MANBA: variants seen among roughly 807,000 people sequenced by gnomAD.
MANBA encodes the protein beta-mannosidase.
Under a neutral mutation model 111.1 loss-of-function variants are expected in MANBA, and 83 were observed. The ratio of observed to expected loss-of-function variants is 0.75; its 90% CI spans 0.63 to 0.90. MANBA has a LOEUF of 0.90. Ranked by LOEUF, MANBA falls within the 40% of genes least tolerant of loss-of-function variation. The pLI, the probability that MANBA is intolerant of heterozygous loss-of-function variation, is 0.00. For synonymous variants in MANBA, 370 were observed against 378.7 expected (o/e 0.98, Z 0.27); for missense variants, 1,036 against 1,069.0 (o/e 0.97, Z 0.43).
intron 7 of MANBA, among the ~76,000 whole-genome samples, chr4:102,684,873 G>A (rs967243075): frequency 1.2e-4 from 18 of 152,094 alleles, no homozygotes; most frequent in Non-Finnish European, 5.9e-5. Context: ...ACAGAACAGT[G>A]AGCAATTTAA....
At chr4:102,635,166 T>C in intron 15 of MANBA, 121 bp from the exon 16 acceptor site, 4 of 1,067,918 alleles carry the variant, frequency 3.7e-6, no homozygotes, top group East Asian at 5.1e-5. Flanking sequence ...CTATGAAACC[T>C]GAGTTTTAAT....
At position 102,750,702 on chromosome 4, in the gene MANBA, T is replaced by C. The variant is rs559945832; in HGVS notation, c.177+10016A>G. Among the ~76,000 whole-genome samples, 204 of 152,216 alleles carry C rather than the reference T, an allele frequency of 1.3e-3. No individual in the cohort carries two copies. In the Middle Eastern group the frequency reaches 0.017, roughly 13 times the overall value. On this transcript the variant is annotated intron_variant, in intron 1 of 16. Coordinates refer to ENST00000647097, the MANE Select transcript of MANBA (RefSeq NM_005908.4). ...CCGAGGTGGGAATATCGCTTGAGCC[T>C]GGGAGTTTGAGACCAGCCTGTGCAA...
intron 5 of MANBA, among the ~76,000 whole-genome samples, chr4:102,713,911 AAAAAG>A (rs1397786193): frequency 4.6e-5 from 7 of 151,482 alleles, no homozygotes; most frequent in South Asian, 2.1e-4. Context: ...AAAAAAAAAA[AAAAAG>A]AAAAGAAAAG....
chr4:102,723,146 G>T, intron 3 of MANBA, 105 bp from the exon 4 acceptor site: 1 of 1,023,978 alleles, frequency 9.8e-7, no homozygotes. Flanking sequence ...ATATAATGCC[G>T]ATCTAGGTTT....
At chr4:102,715,811 C>T (rs1490153058) in intron 4 of MANBA, among the ~76,000 whole-genome samples, 4 of 152,070 alleles carry the variant, frequency 2.6e-5, no homozygotes, top group Non-Finnish European at 4.4e-5. Context: ...CTATGTTGCA[C>T]GTAACCTATG....
At position 102,714,462 on chromosome 4, in the gene MANBA, A is replaced by G. The variant is rs757677635; in HGVS notation, c.649T>C (p.Tyr217His). 15 of 1,607,128 alleles carry G rather than the reference A, an allele frequency of 9.3e-6. No individual in the cohort carries two copies. The highest frequency in any genetic ancestry group is 1.7e-5 in the Admixed American group (1 of 59,982). ...CCATATATTGGGGAAAATGTGAAGT[A>G]GTTCAGGTGACAAATATTATAGGCT... ...IEAYNICHLN[Y>H]FTFSPIYDKS... The change falls in exon 5 of 17, where the codon TAC becomes CAC. Residue 217 changes from tyrosine to histidine, a missense_variant. Transcript: ENST00000647097.
intron 1 of MANBA, chr4:102,729,301 A>ATCCT (rs1722934405): frequency 2.7e-6 from 2 of 754,442 alleles, no homozygotes; most frequent in African/African-American, 3.4e-5. Flanking sequence ...CCCAGCCAGC[A>ATCCT]TCTGCAGCTC....
chr4:102,731,118 G>A (rs1358794777), intron 1 of MANBA, among the ~76,000 whole-genome samples: 1 of 151,932 alleles, frequency 6.6e-6, no homozygotes, highest in Non-Finnish European at 1.5e-5. Flanking sequence ...TGTTCTCTGT[G>A]CTCTTGCGAT....
chr4:102,639,723 C>T lies in MANBA; in HGVS notation c.2004G>A (p.Trp668Ter). 6.2e-7 allele frequency: 1 copy of T among 1,614,050 alleles called. No individual in the cohort carries two copies. The highest frequency in any genetic ancestry group is 8.5e-7 in the Non-Finnish European group (1 of 1,180,010). Residue 668 changes from tryptophan (W) to a stop codon, truncating the protein, a stop_gained, in exon 14 of 17, where the codon TGG (tryptophan) becomes TGA (stop). Transcript: ENST00000647097. LOFTEE classifies it high-confidence loss of function. Reference protein sequence around the residue: ...QLNDIWQAPSWASLEYGGKWK... With the variant: ...QLNDIWQAPS ...CGCTGAAATGCTTACCAAGAGAAGCCCAGGAAGGAGCTTGCCAGATGTCAT... is the reference window on the plus strand; with the variant it reads ...CGCTGAAATGCTTACCAAGAGAAGCTCAGGAAGGAGCTTGCCAGATGTCAT...
chr4:102,715,122 C>A (rs1722269912), intron 4 of MANBA, among the ~76,000 whole-genome samples: 1 of 152,166 alleles, frequency 6.6e-6, no homozygotes, highest in African/African-American at 2.4e-5. Context: ...CTTCTAACCA[C>A]CAGCATATAG....
At chr4:102,758,491 T>C (rs1207068623) in intron 1 of MANBA, among the ~76,000 whole-genome samples, 3 of 152,102 alleles carry the variant, frequency 2.0e-5, no homozygotes, top group Admixed American at 2.0e-4. Context: ...CGGACAACAG[T>C]CTCACATTAC....
intron 5 of MANBA, among the ~76,000 whole-genome samples, chr4:102,701,714 T>C (rs1459597076): frequency 3.9e-5 from 6 of 152,158 alleles, no homozygotes; most frequent in Non-Finnish European, 1.5e-5. Flanking sequence ...TTGTAGAGTT[T>C]CTGCTGAGAG....
At chr4:102,635,802 A>G (rs1729598757) in intron 15 of MANBA, 63 bp downstream of exon 15, 1 of 1,510,522 alleles carries the variant, frequency 6.6e-7, no homozygotes, top group African/African-American at 1.4e-5. Flanking sequence ...GAATGTAACC[A>G]AACAACTAAA....
intron 13 of MANBA, among the ~76,000 whole-genome samples, chr4:102,647,979 T>C (rs747884663): frequency 3.9e-5 from 6 of 152,106 alleles, no homozygotes; most frequent in Non-Finnish European, 8.8e-5. Context: ...AAATTTCCTG[T>C]CTACTTCAGA....
At chr4:102,752,640 GA>G in intron 1 of MANBA, 1 of 574,624 alleles carries the variant, frequency 1.7e-6, no homozygotes. Flanking sequence ...GTGGGGGCAT[GA>G]AAGTGAATGA....
chr4:102,635,831 C>T, intron 15 of MANBA, 34 bp downstream of exon 15: 1 of 1,590,756 alleles, frequency 6.3e-7, no homozygotes, highest in Non-Finnish European at 8.6e-7. Flanking sequence ...CTAAAAGTCT[C>T]CTTCGATCTT....
intron 13 of MANBA, among the ~76,000 whole-genome samples, chr4:102,646,123 T>C (rs1314885802): frequency 6.6e-6 from 1 of 152,050 alleles, no homozygotes; most frequent in Non-Finnish European, 1.5e-5. Context: ...AATGATAAGA[T>C]TTACAAAGCA....
At chr4:102,706,041 A>C (rs773053926) in intron 5 of MANBA, among the ~76,000 whole-genome samples, 16 of 152,214 alleles carry the variant, frequency 1.1e-4, no homozygotes, top group Non-Finnish European at 2.4e-4. Flanking sequence ...GCCATTTCCC[A>C]TGCCATACCT....
intron 1 of MANBA, among the ~76,000 whole-genome samples, chr4:102,742,294 G>A (rs752893528): frequency 6.6e-6 from 1 of 152,164 alleles, no homozygotes; most frequent in Non-Finnish European, 1.5e-5. Context: ...CCAGCAGAAC[G>A]TAATGTCGCA....
Sources: gnomAD v4.1 joint callset for allele counts (sites outside exome capture counted in the v4.1 genomes callset) on GRCh38, gnomAD v4.1.1 for gene constraint, MANE v1.5 for transcripts, NCBI Gene and HGNC (gene_info 2026-07-23, HGNC 2026-07-21) for gene names.